KIAA1328: variants seen among roughly 807,000 people sequenced by gnomAD.
The protein encoded by KIAA1328 is protein hinderin.
Under a neutral mutation model 68.1 loss-of-function variants are expected in KIAA1328, and 52 were observed. That is an observed-to-expected ratio of 0.76 (90% CI 0.61 to 0.96). The LOEUF (loss-of-function observed/expected upper bound fraction) is 0.96, where lower values mean the gene tolerates loss of function less well. KIAA1328 is among the 40% of genes least tolerant of loss of function. The pLI, the probability that KIAA1328 is intolerant of heterozygous loss-of-function variation, is 0.00. For synonymous variants in KIAA1328, 232 were observed against 239.4 expected (o/e 0.97, Z 0.28); for missense variants, 641 against 677.6 (o/e 0.95, Z 0.60).
chr18:37,105,680 AT>A (rs1321792732), intron 7 of KIAA1328, among the ~76,000 whole-genome samples: 7 of 151,566 alleles, frequency 4.6e-5, no homozygotes, highest in Non-Finnish European at 1.0e-4. Flanking sequence ...TATCCCAGCA[AT>A]TTTGGAGGCC....
intron 9 of KIAA1328, among the ~76,000 whole-genome samples, chr18:37,184,504 C>T (rs1369824527): frequency 6.6e-6 from 1 of 152,192 alleles, no homozygotes; most frequent in Non-Finnish European, 1.5e-5. Context: ...CTTTGGTCTG[C>T]AGCTAGTTTA....
At chr18:37,085,207 T>C (rs140327429) in intron 7 of KIAA1328, among the ~76,000 whole-genome samples, 23 of 152,248 alleles carry the variant, frequency 1.5e-4, no homozygotes, top group African/African-American at 4.8e-4. Context: ...AGTATTGGCC[T>C]GGAGTCTGGG....
chr18:37,009,713 G>A (rs2151484219), intron 6 of KIAA1328, among the ~76,000 whole-genome samples: 1 of 152,268 alleles, frequency 6.6e-6, no homozygotes, highest in East Asian at 1.9e-4. Flanking sequence ...TAATGTTGGA[G>A]ATTGAGCAAC....
chr18:36,946,656 G>A (rs1005501153), intron 5 of KIAA1328: 1 of 152,148 alleles, frequency 6.6e-6, no homozygotes, highest in African/African-American at 2.4e-5. Flanking sequence ...TGTAAAATGA[G>A]ATTAATAATA....
chr18:37,215,579 T>G (rs187152672), intron 9 of KIAA1328, among the ~76,000 whole-genome samples: 6 of 152,346 alleles, frequency 3.9e-5, no homozygotes, highest in Admixed American at 6.5e-5. Flanking sequence ...TTTGCATCGA[T>G]GTTCATCAGG....
At chr18:37,109,481 A>C (rs1568417533) in intron 7 of KIAA1328, among the ~76,000 whole-genome samples, 1 of 152,188 alleles carries the variant, frequency 6.6e-6, no homozygotes, top group Non-Finnish European at 1.5e-5. Flanking sequence ...ATATTAGTAC[A>C]TAATTTGTGG....
intron 4 of KIAA1328, among the ~76,000 whole-genome samples, chr18:36,870,129 T>C (rs2047897035): frequency 6.6e-6 from 1 of 152,168 alleles, no homozygotes; most frequent in Admixed American, 6.5e-5. Context: ...CCCAAAGTGC[T>C]GGAATTACAG....
At chr18:37,192,144 A>T (rs2059916784) in intron 9 of KIAA1328, among the ~76,000 whole-genome samples, 3 of 71,124 alleles carry the variant, frequency 4.2e-5, no homozygotes, top group African/African-American at 1.8e-4. Context: ...AAGTCAAGAA[A>T]TTGTGTGTGT....
intron 5 of KIAA1328, among the ~76,000 whole-genome samples, chr18:36,939,428 T>C (rs2050624780): frequency 6.6e-6 from 1 of 152,124 alleles, no homozygotes; most frequent in African/African-American, 2.4e-5. Context: ...TTACTGATTT[T>C]TGTGTATTGG....
chr18:36,884,332 G>A (rs2048424470), intron 4 of KIAA1328, among the ~76,000 whole-genome samples: 1 of 151,928 alleles, frequency 6.6e-6, no homozygotes, highest in Admixed American at 6.6e-5. Context: ...CCCATTCATG[G>A]GCCTAGTGGT....
At chr18:36,990,628 A>T (rs754322561) in intron 6 of KIAA1328, among the ~76,000 whole-genome samples, 8 of 151,870 alleles carry the variant, frequency 5.3e-5, no homozygotes, top group Non-Finnish European at 8.8e-5. Context: ...CTGAGTTCTC[A>T]CCACTGCACT....
intron 5 of KIAA1328, among the ~76,000 whole-genome samples, chr18:36,927,661 G>T (rs2059625437): frequency 6.6e-6 from 1 of 152,122 alleles, no homozygotes; most frequent in African/African-American, 2.4e-5. Context: ...GTTGAGGTGG[G>T]AGAATTACCT....
chr18:37,014,384 T>C (rs2054078862), intron 6 of KIAA1328, among the ~76,000 whole-genome samples: 1 of 152,230 alleles, frequency 6.6e-6, no homozygotes, highest in African/African-American at 2.4e-5. Flanking sequence ...AAATTGCTTC[T>C]GAGAACCTAG....
At chr18:36,978,364 GT>G (rs1297082847) in intron 6 of KIAA1328, among the ~76,000 whole-genome samples, 2 of 152,182 alleles carry the variant, frequency 1.3e-5, no homozygotes, top group East Asian at 3.9e-4. Flanking sequence ...GAACCAAGTT[GT>G]TTGTATAAAC....
intron 6 of KIAA1328, among the ~76,000 whole-genome samples, chr18:37,005,389 CAG>C (rs2053742597): frequency 6.6e-6 from 1 of 151,320 alleles, no homozygotes; most frequent in African/African-American, 2.4e-5. Context: ...AAATCAAAAC[CAG>C]AGTGTCATAC....
chr18:37,053,553 T>C (rs929972303), intron 6 of KIAA1328, among the ~76,000 whole-genome samples: 1 of 152,100 alleles, frequency 6.6e-6, no homozygotes, highest in Admixed American at 6.6e-5. Context: ...AAAGACAGCC[T>C]TAAGAATAGT....
chr18:36,928,710 A>C (rs2050210688), intron 5 of KIAA1328, among the ~76,000 whole-genome samples: 1 of 152,182 alleles, frequency 6.6e-6, no homozygotes, highest in Admixed American at 6.5e-5. Context: ...GTGCGCACGC[A>C]TGTGCACACA....
chr18:37,115,457 T>C (rs143817979), intron 7 of KIAA1328, among the ~76,000 whole-genome samples: 211 of 152,298 alleles, frequency 1.4e-3, no homozygotes, highest in African/African-American at 4.8e-3. Context: ...TTCAACAAAA[T>C]TCAACAGCCC....
At chr18:37,107,139 G>A (rs1010121381) in intron 7 of KIAA1328, among the ~76,000 whole-genome samples, 3 of 152,184 alleles carry the variant, frequency 2.0e-5, no homozygotes, top group African/African-American at 7.2e-5. Flanking sequence ...CTACTCAGGA[G>A]GCTGAGACAG....
Sources: gnomAD v4.1 joint callset for allele counts (sites outside exome capture counted in the v4.1 genomes callset) on GRCh38, gnomAD v4.1.1 for gene constraint, MANE v1.5 for transcripts, NCBI Gene and HGNC (gene_info 2026-07-23, HGNC 2026-07-21) for gene names.